The following ZYG11B variants were observed in gnomAD, a reference collection of about 807,000 sequenced individuals.
The protein encoded by ZYG11B is zyg-11 family member B, cell cycle regulator.
In ZYG11B, 36 loss-of-function variants were observed where a neutral mutation model predicts 82.4. That is an observed-to-expected ratio of 0.44 (90% CI 0.33 to 0.58). The LOEUF (loss-of-function observed/expected upper bound fraction) is 0.58. Ranked by LOEUF, ZYG11B falls within the 20% of genes least tolerant of loss-of-function variation. The pLI, the probability that ZYG11B is intolerant of heterozygous loss-of-function variation, is 0.02. For synonymous variants in ZYG11B, 303 were observed against 312.8 expected, an observed-to-expected ratio of 0.97 and a Z score of 0.33; for missense variants, 552 against 895.6, an observed-to-expected ratio of 0.62 and a Z score of 4.90.
At position 52,764,161 on chromosome 1, in the gene ZYG11B, G is replaced by A. The variant is rs376033767; in HGVS notation, c.197-6859G>A. Reference sequence around the variant, plus strand: ...TATTTTTGAGATGGAGTCTTGCTCTGTTGCCAGACTGGAGTGCAATGGCAC... The same window carrying A: ...TATTTTTGAGATGGAGTCTTGCTCTATTGCCAGACTGGAGTGCAATGGCAC... On this transcript the variant is annotated intron_variant, in intron 2 of 13. Coordinates refer to ENST00000294353, the MANE Select transcript of ZYG11B (RefSeq NM_024646.3). 2.6e-5 allele frequency among the ~76,000 whole-genome samples: 4 copies of A among 152,118 alleles called. No individual in the cohort carries two copies. In the East Asian group the frequency reaches 7.7e-4, roughly 29 times the overall value.
At chr1:52,775,312 C>T (rs1644794859) in intron 3 of ZYG11B, among the ~76,000 whole-genome samples, 1 of 152,120 alleles carries the variant, frequency 6.6e-6, no homozygotes, top group Non-Finnish European at 1.5e-5. Context: ...TGTTTTTTGG[C>T]CAGGCGTGGT....
intron 4 of ZYG11B, 38 bp downstream of exon 4, chr1:52,780,031 A>T: frequency 6.3e-7 from 1 of 1,598,954 alleles, no homozygotes; most frequent in Non-Finnish European, 8.5e-7. Flanking sequence ...TTTTGAAATG[A>T]TCTCCCTGGG....
At chr1:52,795,712 C>G (rs1645001291) in intron 6 of ZYG11B, among the ~76,000 whole-genome samples, 1 of 152,142 alleles carries the variant, frequency 6.6e-6, no homozygotes, top group African/African-American at 2.4e-5. Context: ...TTCATATCCT[C>G]TTTTCCTGCT....
chr1:52,736,098 G>A (rs1055376843), intron 1 of ZYG11B, among the ~76,000 whole-genome samples: 3 of 151,930 alleles, frequency 2.0e-5, no homozygotes, highest in Admixed American at 6.6e-5. Flanking sequence ...CTGCAGTTTC[G>A]GCCCTGCTAG....
intron 8 of ZYG11B, among the ~76,000 whole-genome samples, chr1:52,797,468 T>TATTATATATCATATATAATATAATAA (rs1558137885): frequency 9.0e-6 from 1 of 110,562 alleles, no homozygotes; most frequent in East Asian, 2.6e-4. Context: ...ATGATATATA[T>TATTATATATCATATATAATATAATAA]ATTATATATG....
In ZYG11B at chr1:52,799,183, T is replaced by C. The variant is rs116550964; in HGVS notation, c.1485+2399T>C. On this transcript the variant is annotated intron_variant, in intron 8 of 13. Coordinates refer to ENST00000294353, the MANE Select transcript of ZYG11B (RefSeq NM_024646.3). Reference sequence around the variant, plus strand: ...TAACAAAATCTAAAAAGTATAATAATAGAGATAAGAATGAAAAAAATAGGC... The same window carrying C: ...TAACAAAATCTAAAAAGTATAATAACAGAGATAAGAATGAAAAAAATAGGC... Among the ~76,000 whole-genome samples, 1,038 of 151,486 alleles carry C rather than the reference T, an allele frequency of 6.9e-3. 22 individuals carry two copies. Among genetic ancestry groups the C allele is most frequent in the African/African-American group, 0.024 (997 of 41,284 alleles).
At chr1:52,755,315 G>A (rs1191006517) in intron 1 of ZYG11B, among the ~76,000 whole-genome samples, 1 of 152,010 alleles carries the variant, frequency 6.6e-6, no homozygotes, top group East Asian at 1.9e-4. Context: ...AATTGACCAC[G>A]AATGTAAGAG....
Position 52,726,552 on chromosome 1 carries a change from C to A in ZYG11B, c.-102C>A, listed in dbSNP as rs965258105. On this transcript the variant is annotated 5_prime_UTR_variant, in exon 1 of 14. Transcript: ENST00000294353. ...GAAAGAGGCCGAGGCCTGGGCCAAG[C>A]CCGGAGCCGCCGCTCGCCGGAGCCT... is the stretch of plus-strand genomic sequence containing the variant. The A allele has an allele frequency of 1.2e-5, 15 of 1,202,906 alleles. No homozygotes were observed. In the East Asian group the frequency reaches 3.9e-4, roughly 31 times the overall value. 74.5% of individuals were successfully genotyped at this position (1,202,906 alleles called of 1,614,324 possible). A position where few individuals can be genotyped will look rare whatever the true frequency, so the allele number is the denominator to read the frequency against.
At chr1:52,767,543 TC>T (rs200811175) in intron 2 of ZYG11B, among the ~76,000 whole-genome samples, 3,701 of 152,210 alleles carry the variant, frequency 0.024, 155 homozygotes, top group African/African-American at 0.085. Flanking sequence ...GACCTTGTGA[TC>T]CATCCGCCTC....
At chr1:52,772,291 C>G in intron 3 of ZYG11B, 1 of 1,347,170 alleles carries the variant, frequency 7.4e-7, no homozygotes, top group South Asian at 1.2e-5. Context: ...GTGAATCTGG[C>G]TCTCTATCAG....
At chr1:52,812,190 T>G (rs570366059) in intron 10 of ZYG11B, among the ~76,000 whole-genome samples, 18 of 152,272 alleles carry the variant, frequency 1.2e-4, no homozygotes, top group African/African-American at 4.3e-4. Context: ...TGGATTGATT[T>G]TTCTCCTGGT....
chr1:52,806,619 A>T (rs1645143696), intron 10 of ZYG11B, among the ~76,000 whole-genome samples: 1 of 152,156 alleles, frequency 6.6e-6, no homozygotes, highest in Admixed American at 6.6e-5. Flanking sequence ...TTTGATACTG[A>T]TATAGCCATT....
chr1:52,756,764 T>A, intron 2 of ZYG11B, 141 bp downstream of exon 2: 2 of 696,582 alleles, frequency 2.9e-6, no homozygotes, highest in Non-Finnish European at 4.5e-6. Flanking sequence ...ATGAATTCAT[T>A]TATTTTTACC....
Position 52,756,634 on chromosome 1 carries a change from A to T in ZYG11B, c.196+11A>T. The stretch of plus-strand genomic sequence containing the variant: ...CCATGGCTTTTCATGGTAAAAAAAT[A>T]AACAGAGGAAACAAAAATTATGTGC... On this transcript the variant is annotated intron_variant, in intron 2 of 13. Transcript: ENST00000294353. 6.3e-7 allele frequency: 1 copy of T among 1,590,988 alleles called. No homozygotes were observed. Among genetic ancestry groups the T allele is most frequent in the Non-Finnish European group, 8.6e-7 (1 of 1,166,376 alleles).
At position 52,726,594 on chromosome 1, in the gene ZYG11B, C is replaced by A; in HGVS notation, c.-60C>A. On this transcript the variant is annotated 5_prime_UTR_variant, in exon 1 of 14. Coordinates refer to ENST00000294353, the MANE Select transcript of ZYG11B (RefSeq NM_024646.3). ...CCGGAGCCTCCTGGAGCCTCCGCGC[C>A]GGCTCAGCCTGGGGGCGGGCTCCGG... 1 of 1,367,034 alleles carries A rather than the reference C, an allele frequency of 7.3e-7. No homozygotes were observed. The allele number at this position is 1,367,034 out of a possible 1,614,324, so 84.7% of individuals were successfully genotyped here. A position where few individuals can be genotyped will look rare whatever the true frequency, so the allele number is the denominator to read the frequency against.
chr1:52,790,185 G>A (rs2149950791), intron 6 of ZYG11B, 118 bp downstream of exon 6: 1 of 635,802 alleles, frequency 1.6e-6, no homozygotes, highest in East Asian at 3.0e-5. Context: ...AGATAGAATT[G>A]TGGGTTATTT....
Position 52,771,625 on chromosome 1 carries a change from C to T in ZYG11B, c.802C>T (p.Leu268Phe). The T allele has an allele frequency of 1.2e-6, 2 of 1,614,216 alleles. No individual in the cohort carries two copies. Among genetic ancestry groups the T allele is most frequent in the Non-Finnish European group, 8.5e-7 (1 of 1,180,038 alleles). The change falls in exon 3 of 14, where the codon CTT becomes TTT. Residue 268 changes from leucine to phenylalanine, a missense_variant. Physicochemically the swap from Leu to Phe is conservative, Grantham distance 22. Coordinates refer to ENST00000294353, the MANE Select transcript of ZYG11B (RefSeq NM_024646.3). This position sits in a 1 kb window ranked among gnomAD's most constrained non-coding sequence, Gnocchi z 5.4. ...LLEQKDILPN[L>F]VSLDVSGRKH... ...AGAACAAAAAGACATCCTACCTAAC[C>T]TTGTTTCTCTGGATGTTTCTGGGAG...
At chr1:52,782,960 C>T (rs1030695704) in intron 4 of ZYG11B, among the ~76,000 whole-genome samples, 2 of 146,314 alleles carry the variant, frequency 1.4e-5, no homozygotes, top group Admixed American at 1.4e-4. Flanking sequence ...TGAGTCTCAC[C>T]CTATTGCCCA....
chr1:52,743,127 G>T (rs1198056167), intron 1 of ZYG11B, among the ~76,000 whole-genome samples: 1 of 152,024 alleles, frequency 6.6e-6, no homozygotes, highest in East Asian at 1.9e-4. Flanking sequence ...GGGGAAATGT[G>T]GGGAAAAGAG....
Sources: allele counts gnomAD v4.1 joint callset (sites outside exome capture counted in the v4.1 genomes callset), GRCh38; gene constraint gnomAD v4.1.1; non-coding constraint Gnocchi (gnomAD v3.1); transcripts MANE v1.5; gene names NCBI Gene and HGNC (gene_info 2026-07-23, HGNC 2026-07-21).